UGT8: variants seen among roughly 807,000 people sequenced by gnomAD.
The protein encoded by UGT8 is UDP glycosyltransferase 8.
In UGT8, 12 loss-of-function variants were observed where a neutral mutation model predicts 40.5. That is an observed-to-expected ratio of 0.30 (90% CI 0.19 to 0.48). The LOEUF (loss-of-function observed/expected upper bound fraction) is 0.48, where lower values mean the gene tolerates loss of function less well. UGT8 is among the 20% of genes least tolerant of loss of function. The pLI is 0.99. For missense variants in UGT8, 513 were observed against 648.7 expected (o/e 0.79, Z 2.27); for synonymous variants, 224 against 240.4 (o/e 0.93, Z 0.63).
At chr4:114,644,176 C>T (rs1733409070) in intron 2 of UGT8, among the ~76,000 whole-genome samples, 1 of 152,160 alleles carries the variant, frequency 6.6e-6, no homozygotes, top group Non-Finnish European at 1.5e-5. Flanking sequence ...TGAATTCCCT[C>T]TCAAAGTTTC....
rs541575129 is a variant in UGT8, at chr4:114,606,835, A to G, written c.-3+7861A>G. Among the ~76,000 whole-genome samples the G allele has an allele frequency of 2.0e-5, 3 of 152,258 alleles. 1 individual carries two copies. In the South Asian group the frequency reaches 6.2e-4, roughly 32 times the overall value. On this transcript the variant is annotated intron_variant, in intron 1 of 5. Transcript: ENST00000310836. ...AGTGTCATATCTGGGCTTTATGTAA[A>G]CTGGGTGTGTTATAGCAGGAAACCA...
chr4:114,669,879 GT>G (rs1735123859), intron 5 of UGT8, among the ~76,000 whole-genome samples: 1 of 152,162 alleles, frequency 6.6e-6, no homozygotes, highest in Non-Finnish European at 1.5e-5. Context: ...AGTGATTTGT[GT>G]AGCATGTCCT....
chr4:114,665,588 C>T, intron 3 of UGT8, 92 bp from the exon 4 acceptor site: 1 of 1,255,074 alleles, frequency 8.0e-7, no homozygotes, highest in Non-Finnish European at 1.1e-6. Flanking sequence ...GATCATCAAA[C>T]ATTTATTTTA....
chr4:114,606,679 T>C (rs1730752771), intron 1 of UGT8, among the ~76,000 whole-genome samples: 1 of 152,178 alleles, frequency 6.6e-6, no homozygotes, highest in African/African-American at 2.4e-5. Flanking sequence ...GAATGTATCT[T>C]AATGGAGATA....
intron 4 of UGT8, among the ~76,000 whole-genome samples, chr4:114,667,003 T>C (rs1170743119): frequency 1.3e-5 from 2 of 152,166 alleles, no homozygotes; most frequent in Admixed American, 1.3e-4. Flanking sequence ...AGCTCTGCTT[T>C]ATTTAACTGT....
chr4:114,629,567 G>GTAGTAAGAAACCAAATTTA (rs1329566292), intron 2 of UGT8, among the ~76,000 whole-genome samples: 6 of 152,112 alleles, frequency 3.9e-5, no homozygotes, highest in Non-Finnish European at 8.8e-5. Context: ...TTATTATTTT[G>GTAGTAAGAAACCAAATTTA]TAGTAAGAAA....
intron 2 of UGT8, among the ~76,000 whole-genome samples, chr4:114,655,440 G>A (rs1475915634): frequency 6.6e-6 from 1 of 152,028 alleles, no homozygotes; most frequent in African/African-American, 2.4e-5. Flanking sequence ...GGTGGTGTTT[G>A]TTACTTGGTG....
intron 5 of UGT8, among the ~76,000 whole-genome samples, chr4:114,670,112 A>C (rs184612474): frequency 1.3e-5 from 2 of 152,286 alleles, no homozygotes; most frequent in African/African-American, 4.8e-5. Context: ...GACACACACA[A>C]AAAAGAAAAC....
In UGT8 at chr4:114,676,920, GT is replaced by G. The variant is rs1735694740; in HGVS notation, c.*634del. The G allele has an allele frequency of 6.7e-6, 1 of 148,236 alleles. No homozygotes were observed. 9.2% of individuals were successfully genotyped at this position (148,236 alleles called of 1,614,324 possible). A position where few individuals can be genotyped will look rare whatever the true frequency, so the allele number is the denominator to read the frequency against. On this transcript the variant is annotated 3_prime_UTR_variant, in exon 6 of 6. Coordinates refer to ENST00000310836, the MANE Select transcript of UGT8 (RefSeq NM_001128174.3). ...TTTTTTTTTTTAGTTATTTTTTGTT[GT>G]TGTTGTTTGTATTGTTTTTCTTTTC...
chr4:114,629,894 A>G (rs1248886433), intron 2 of UGT8, among the ~76,000 whole-genome samples: 4 of 152,224 alleles, frequency 2.6e-5, no homozygotes, highest in Admixed American at 6.5e-5. Flanking sequence ...AATAAGCCCT[A>G]GAGAATTGTT....
intron 2 of UGT8, among the ~76,000 whole-genome samples, chr4:114,644,114 T>C (rs1024778050): frequency 6.6e-6 from 1 of 152,182 alleles, no homozygotes; most frequent in African/African-American, 2.4e-5. Flanking sequence ...CATTTCTCTC[T>C]TGAGAAATAG....
Position 114,623,283 on chromosome 4 carries a change from C to T in UGT8, c.403C>T (p.Leu135=), listed in dbSNP as rs1731958501. 6.2e-7 allele frequency: 1 copy of T among 1,614,048 alleles called. No individual in the cohort carries two copies. The highest frequency in any genetic ancestry group is 1.3e-5 in the African/African-American group (1 of 74,918). The change falls in exon 2 of 6, where the codon CTG becomes TTG. Residue 135 remains leucine (L), a synonymous_variant. Transcript: ENST00000310836. The part of the protein sequence containing the change: ...QGLKKEKFDL[L]LVDPNDMCGF... ...TCTGAAGAAAGAAAAATTTGACCTG[C>T]TGCTGGTGGACCCTAATGATATGTG... is the stretch of plus-strand genomic sequence containing the variant.
At chr4:114,644,171 T>A (rs551898254) in intron 2 of UGT8, among the ~76,000 whole-genome samples, 83 of 152,280 alleles carry the variant, frequency 5.5e-4, no homozygotes, top group Non-Finnish European at 1.0e-3. Flanking sequence ...CAGCCTGAAT[T>A]CCCTCTCAAA....
intron 1 of UGT8, among the ~76,000 whole-genome samples, chr4:114,611,403 CATATATATATATATATAT>C (rs60533468): frequency 1.8e-4 from 19 of 106,268 alleles, no homozygotes; most frequent in South Asian, 7.7e-4. Context: ...CATATATATC[CATATATATATATATATAT>C]ATATATATAT....
At chr4:114,629,518 T>C (rs546326996) in intron 2 of UGT8, among the ~76,000 whole-genome samples, 1 of 152,346 alleles carries the variant, frequency 6.6e-6, no homozygotes, top group African/African-American at 2.4e-5. Context: ...TAATGTAAAA[T>C]GTTTTTGCAG....
chr4:114,619,798 G>GGAA (rs1731668378), intron 1 of UGT8, among the ~76,000 whole-genome samples: 3 of 151,800 alleles, frequency 2.0e-5, no homozygotes, highest in Admixed American at 2.0e-4. Flanking sequence ...GAATACTTAG[G>GGAA]GAAGTGAAAT....
At chr4:114,654,273 C>T (rs78776824) in intron 2 of UGT8, among the ~76,000 whole-genome samples, 1,634 of 151,832 alleles carry the variant, frequency 0.011, 13 homozygotes, top group Middle Eastern at 0.024. Flanking sequence ...GTTCTATTCT[C>T]CCTGATCTTT....
intron 1 of UGT8, among the ~76,000 whole-genome samples, chr4:114,603,149 T>A (rs1730536586): frequency 6.6e-6 from 1 of 152,028 alleles, no homozygotes; most frequent in African/African-American, 2.4e-5. Flanking sequence ...TATAGGAGGA[T>A]GGGATGGGAA....
chr4:114,625,330 T>C (rs1732132655), intron 2 of UGT8, among the ~76,000 whole-genome samples: 1 of 151,864 alleles, frequency 6.6e-6, no homozygotes, highest in Admixed American at 6.6e-5. Flanking sequence ...CTGGACAACA[T>C]AGTGAAACCT....
Sources: gnomAD v4.1 joint callset for allele counts (sites outside exome capture counted in the v4.1 genomes callset) on GRCh38, gnomAD v4.1.1 for gene constraint, MANE v1.5 for transcripts, NCBI Gene and HGNC (gene_info 2026-07-23, HGNC 2026-07-21) for gene names.